The following TBC1D15 variants were observed in gnomAD, a reference collection of about 807,000 sequenced individuals.
The protein encoded by TBC1D15 is GAP for RAB7.
Under a neutral mutation model 95.4 loss-of-function variants are expected in TBC1D15, and 39 were observed. That is an observed-to-expected ratio of 0.41 (90% CI 0.32 to 0.53). The LOEUF is 0.53. TBC1D15 is among the 20% of genes least tolerant of loss of function. The pLI is 0.29. For synonymous variants in TBC1D15, 258 were observed against 261.3 expected (o/e 0.99, Z 0.12); for missense variants, 733 against 794.3 (o/e 0.92, Z 0.93).
chr12:71,890,997 TA>T (rs1243963562), intron 5 of TBC1D15, among the ~76,000 whole-genome samples: 2 of 152,208 alleles, frequency 1.3e-5, no homozygotes, highest in African/African-American at 4.8e-5. Context: ...AATATTCCCT[TA>T]AAAAGCCAAA....
At chr12:71,920,920 C>T (rs1869042734) in intron 15 of TBC1D15, 73 bp downstream of exon 15, 1 of 1,027,584 alleles carries the variant, frequency 9.7e-7, no homozygotes. Context: ...CAGAACGTTT[C>T]CTTGGAACAT....
chr12:71,884,401 T>C (rs916687285), intron 4 of TBC1D15, among the ~76,000 whole-genome samples: 2 of 152,138 alleles, frequency 1.3e-5, no homozygotes, highest in Non-Finnish European at 1.5e-5. Context: ...ATTAATAGAA[T>C]TACAATGGGA....
chr12:71,877,499 C>T (rs11178976), intron 3 of TBC1D15, among the ~76,000 whole-genome samples: 14,208 of 50,692 alleles, frequency 0.28, 1,122 homozygotes, highest in African/African-American at 0.48. Flanking sequence ...TCCTGTTTTT[C>T]CTTCCTTCCT....
intron 4 of TBC1D15, among the ~76,000 whole-genome samples, chr12:71,884,315 A>G (rs554989246): frequency 6.6e-6 from 1 of 152,288 alleles, no homozygotes; most frequent in South Asian, 2.1e-4. Flanking sequence ...GGAGTGGGAC[A>G]GATAAACATT....
intron 1 of TBC1D15, among the ~76,000 whole-genome samples, chr12:71,840,041 C>T (rs1327073791): frequency 6.6e-6 from 1 of 152,202 alleles, no homozygotes; most frequent in Non-Finnish European, 1.5e-5. Flanking sequence ...CGGCGCTCTT[C>T]TGCCCCAGAG....
intron 9 of TBC1D15, 115 bp from the exon 10 acceptor site, chr12:71,897,732 C>G (rs1386142378): frequency 3.0e-6 from 2 of 657,794 alleles, no homozygotes; most frequent in Non-Finnish European, 5.2e-6. Context: ...TATAAACTTA[C>G]ATTCCACTAG....
chr12:71,917,442 C>G (rs1446725575), intron 12 of TBC1D15, among the ~76,000 whole-genome samples: 1 of 152,130 alleles, frequency 6.6e-6, no homozygotes, highest in Non-Finnish European at 1.5e-5. Flanking sequence ...TCTGCAGTTG[C>G]TATGTCTGCA....
chr12:71,897,723 A>T, intron 9 of TBC1D15, 124 bp from the exon 10 acceptor site: 1 of 621,666 alleles, frequency 1.6e-6, no homozygotes, highest in Non-Finnish European at 2.7e-6. Context: ...TATTGTTTTT[A>T]TAAACTTACA....
intron 10 of TBC1D15, among the ~76,000 whole-genome samples, chr12:71,903,806 G>A (rs1900019062): frequency 6.6e-6 from 1 of 151,986 alleles, no homozygotes; most frequent in Non-Finnish European, 1.5e-5. Flanking sequence ...TAAACATTAA[G>A]CACACGTGGA....
chr12:71,917,042 T>C (rs1441597031), intron 12 of TBC1D15, among the ~76,000 whole-genome samples: 1 of 152,214 alleles, frequency 6.6e-6, no homozygotes, highest in Non-Finnish European at 1.5e-5. Flanking sequence ...TAACCTTTCC[T>C]AATGAAAAAT....
intron 3 of TBC1D15, among the ~76,000 whole-genome samples, chr12:71,876,166 GAA>G (rs1893770898): frequency 2.6e-5 from 4 of 152,214 alleles, no homozygotes; most frequent in African/African-American, 7.2e-5. Flanking sequence ...CTGGGTTTTA[GAA>G]GTTTTATTAT....
chr12:71,871,310 T>G (rs1394791069), intron 1 of TBC1D15, among the ~76,000 whole-genome samples: 1 of 152,196 alleles, frequency 6.6e-6, no homozygotes, highest in East Asian at 1.9e-4. Flanking sequence ...ATTGAGTTAG[T>G]GAGTCATTTC....
intron 9 of TBC1D15, 63 bp downstream of exon 9, chr12:71,896,843 T>A: frequency 1.6e-6 from 2 of 1,272,178 alleles, no homozygotes; most frequent in Non-Finnish European, 2.2e-6. Context: ...TACAAATTAG[T>A]ATAGGGTTTC....
At chr12:71,863,720 C>A (rs1267059323) in intron 1 of TBC1D15, among the ~76,000 whole-genome samples, 1 of 151,912 alleles carries the variant, frequency 6.6e-6, no homozygotes, top group Non-Finnish European at 1.5e-5. Context: ...TTTTGTCACT[C>A]TTTTTTTTCC....
At chr12:71,911,451 T>G (rs1216719833) in intron 11 of TBC1D15, among the ~76,000 whole-genome samples, 3 of 149,320 alleles carry the variant, frequency 2.0e-5, no homozygotes, top group East Asian at 2.3e-4. Flanking sequence ...CCATAAAAAA[T>G]GATGAGTTCA....
At position 71,913,938 on chromosome 12, in the gene TBC1D15, G is replaced by T. The variant is rs536032992; in HGVS notation, c.1401+12G>T. 7 of 1,557,872 alleles carry T rather than the reference G, an allele frequency of 4.5e-6. No homozygotes were observed. Among genetic ancestry groups the T allele is most frequent in the Admixed American group, 1.9e-5 (1 of 51,446 alleles). ...ACATGGACCAAATGGTAAGAACAGA[G>T]ATTCCTTCCATTAAACTGATTTTTA... On this transcript the variant is annotated intron_variant, in intron 12 of 16. Coordinates refer to ENST00000485960, the MANE Select transcript of TBC1D15 (RefSeq NM_001146213.3).
At chr12:71,871,667 C>G (rs1892720682) in intron 1 of TBC1D15, among the ~76,000 whole-genome samples, 1 of 152,200 alleles carries the variant, frequency 6.6e-6, no homozygotes, top group Admixed American at 6.5e-5. Flanking sequence ...AGTCATAGCA[C>G]CCTACAACCT....
At chr12:71,893,345 C>A (rs1010494880) in intron 6 of TBC1D15, 21 bp downstream of exon 6, 4 of 1,540,398 alleles carry the variant, frequency 2.6e-6, no homozygotes, top group African/African-American at 1.4e-5. Flanking sequence ...TAAATCTATC[C>A]TGTATTATTC....
At chr12:71,846,269 T>C (rs188699487) in intron 1 of TBC1D15, among the ~76,000 whole-genome samples, 19 of 152,326 alleles carry the variant, frequency 1.2e-4, no homozygotes, top group African/African-American at 4.6e-4. Flanking sequence ...AATGTACTTA[T>C]CTGCTTGGGC....
Sources: allele counts gnomAD v4.1 joint callset (sites outside exome capture counted in the v4.1 genomes callset), GRCh38; gene constraint gnomAD v4.1.1; transcripts MANE v1.5; gene names NCBI Gene and HGNC (gene_info 2026-07-23, HGNC 2026-07-21).